The following KDM1B variants were observed in gnomAD, a reference collection of about 807,000 sequenced individuals.
KDM1B encodes the protein lysine demethylase 1B, also known as lysine-specific histone demethylase 2.
A neutral mutation model predicts 107.4 loss-of-function variants in KDM1B; 63 were observed. That is an observed-to-expected ratio of 0.59 (90% CI 0.48 to 0.72). The LOEUF (loss-of-function observed/expected upper bound fraction) is 0.72, where lower values mean the gene tolerates loss of function less well. Among genes scored for constraint, KDM1B ranks in the 30% least tolerant of loss-of-function variants. The pLI, the probability that KDM1B is intolerant of heterozygous loss-of-function variation, is 0.00. For synonymous variants in KDM1B, 363 were observed against 363.9 expected, an observed-to-expected ratio of 1.00 and a Z score of 0.03; for missense variants, 749 against 1,020.8, an observed-to-expected ratio of 0.73 and a Z score of 3.63.
intron 21 of KDM1B, among the ~76,000 whole-genome samples, chr6:18,221,514 T>C (rs138258716): frequency 1.3e-3 from 200 of 152,258 alleles, no homozygotes; most frequent in African/African-American, 4.6e-3. Context: ...ACTCTCTACC[T>C]ATTTTTTTAC....
rs776387450 is a variant in KDM1B, at chr6:18,162,276, C to T, written c.216-559C>T. On this transcript the variant is annotated intron_variant, in intron 4 of 21. Coordinates refer to ENST00000650836, the MANE Select transcript of KDM1B (RefSeq NM_001364614.2). This position sits in a 1 kb window ranked among gnomAD's most constrained non-coding sequence, Gnocchi z 4.1. ...GCAGAGGTTGCAATGAGCCTGAGAT[C>T]GTGCCACTGTACTCCAGCCTGAGTG... 2.0e-5 allele frequency among the ~76,000 whole-genome samples: 3 copies of T among 152,092 alleles called. No individual in the cohort carries two copies. Among genetic ancestry groups the T allele is most frequent in the Admixed American group, 2.0e-4 (3 of 15,274 alleles).
At chr6:18,215,589 G>A (rs187928736) in intron 20 of KDM1B, among the ~76,000 whole-genome samples, 26 of 152,274 alleles carry the variant, frequency 1.7e-4, no homozygotes, top group Admixed American at 1.2e-3. Flanking sequence ...GAGACCATGC[G>A]ACGAAATACA....
At chr6:18,218,340 C>G (rs1789408771) in intron 21 of KDM1B, among the ~76,000 whole-genome samples, 1 of 151,986 alleles carries the variant, frequency 6.6e-6, no homozygotes, top group Non-Finnish European at 1.5e-5. Context: ...CCAGGCTGGC[C>G]TCAAACCCGT....
At chr6:18,189,711 G>A (rs544996213) in intron 9 of KDM1B, among the ~76,000 whole-genome samples, 2 of 152,260 alleles carry the variant, frequency 1.3e-5, no homozygotes, top group East Asian at 3.9e-4. Flanking sequence ...TATCTATTAT[G>A]TGAATATTCT....
intron 15 of KDM1B, among the ~76,000 whole-genome samples, chr6:18,206,478 C>T (rs375110534): frequency 1.3e-5 from 2 of 152,186 alleles, no homozygotes; most frequent in African/African-American, 4.8e-5. Context: ...GATGGTGCTA[C>T]CACACTGCTG....
chr6:18,202,272 G>A (rs1195534920), intron 14 of KDM1B, among the ~76,000 whole-genome samples: 1 of 151,816 alleles, frequency 6.6e-6, no homozygotes, highest in Non-Finnish European at 1.5e-5. Flanking sequence ...GGTGGTGTGT[G>A]TCTGTAGTCC....
chr6:18,212,620 T>A lies in KDM1B; in HGVS notation c.1983+16T>A. The A allele has an allele frequency of 6.7e-7, 1 of 1,482,620 alleles. No individual in the cohort carries two copies. Among genetic ancestry groups the A allele is most frequent in the Non-Finnish European group, 9.4e-7 (1 of 1,059,986 alleles). The allele number at this position is 1,482,620 out of a possible 1,614,324, so 91.8% of individuals were successfully genotyped here. ...CATTGAAAAGGTGACTGAAATGACCTCATCCTCAGCAAGAAAGAGATTAAT... is the reference window on the plus strand; with the variant it reads ...CATTGAAAAGGTGACTGAAATGACCACATCCTCAGCAAGAAAGAGATTAAT... On this transcript the variant is annotated intron_variant, in intron 18 of 21. Transcript: ENST00000650836. The surrounding 1 kb of genome is among the most constrained non-coding windows in gnomAD (Gnocchi z 5.2).
Position 18,191,572 on chromosome 6 carries a change from G to A in KDM1B, c.969+191G>A, listed in dbSNP as rs781361789. On this transcript the variant is annotated intron_variant, in intron 10 of 21. Coordinates refer to ENST00000650836, the MANE Select transcript of KDM1B (RefSeq NM_001364614.2). This position sits in a 1 kb window ranked among gnomAD's most constrained non-coding sequence, Gnocchi z 5.1. The stretch of plus-strand genomic sequence containing the variant: ...TGTAGGATATTTAGCAAGATCCCTG[G>A]CTTCTACCCACTAGATTCCAGTAAT... Among the ~76,000 whole-genome samples, 26 of 152,104 alleles carry A rather than the reference G, an allele frequency of 1.7e-4. No homozygotes were observed. The highest frequency in any genetic ancestry group is 5.9e-4 in the Admixed American group (9 of 15,266).
chr6:18,173,846 C>T (rs1319043004), intron 7 of KDM1B, among the ~76,000 whole-genome samples: 1 of 152,018 alleles, frequency 6.6e-6, no homozygotes, highest in African/African-American at 2.4e-5. Context: ...AGTGCAGTGG[C>T]TCGATCTCGG....
chr6:18,212,375 A>C lies in KDM1B; in HGVS notation c.1867-113A>C. 2 of 763,364 alleles carry C rather than the reference A, an allele frequency of 2.6e-6. No homozygotes were observed. Among genetic ancestry groups the C allele is most frequent in the Non-Finnish European group, 2.4e-6 (1 of 423,310 alleles). 47.3% of individuals were successfully genotyped at this position (763,364 alleles called of 1,614,324 possible). A position where few individuals can be genotyped will look rare whatever the true frequency, so the allele number is the denominator to read the frequency against. ...TGCAGTGAGCAACCTGCACAGTTGCACATGGCAGCCCTTGTTCTTGCCAGT... is the reference window on the plus strand; with the variant it reads ...TGCAGTGAGCAACCTGCACAGTTGCCCATGGCAGCCCTTGTTCTTGCCAGT... On this transcript the variant is annotated intron_variant, in intron 17 of 21. Transcript: ENST00000650836. The surrounding 1 kb of genome is among the most constrained non-coding windows in gnomAD (Gnocchi z 5.2).
intron 10 of KDM1B, among the ~76,000 whole-genome samples, chr6:18,192,072 A>G (rs1460069402): frequency 2.0e-5 from 3 of 152,112 alleles, no homozygotes; most frequent in African/African-American, 7.2e-5. Context: ...CAGCCTGGGC[A>G]ACATAATGAG....
At chr6:18,156,774 G>A (rs141166343) in intron 2 of KDM1B, among the ~76,000 whole-genome samples, 9,986 of 152,054 alleles carry the variant, frequency 0.066, 415 homozygotes, top group Middle Eastern at 0.095. Context: ...AAAATTAGCC[G>A]GACGTGGTGG....
Position 18,159,749 on chromosome 6 carries a change from G to A in KDM1B, c.-13-134G>A. 1 of 606,970 alleles carries A rather than the reference G, an allele frequency of 1.6e-6. No homozygotes were observed. The highest frequency in any genetic ancestry group is 2.9e-6 in the Non-Finnish European group (1 of 350,796). The allele number at this position is 606,970 out of a possible 1,614,324, so 37.6% of individuals were successfully genotyped here. On this transcript the variant is annotated intron_variant, in intron 2 of 21. Coordinates refer to ENST00000650836, the MANE Select transcript of KDM1B (RefSeq NM_001364614.2). The surrounding 1 kb of genome is among the most constrained non-coding windows in gnomAD (Gnocchi z 4.5). The stretch of plus-strand genomic sequence containing the variant: ...ATGGCAAGAATGTCTCAAAAGAAAA[G>A]AAAGAAAACTGTAGCTTTGTATTTA...
chr6:18,213,090 T>C lies in KDM1B; in HGVS notation c.1983+486T>C, dbSNP rs1788968873. ...TGCTGGGCATCTTCAGACTAGCTTCTAGGTTGCCAGTGGGTTCCATTATCC... is the reference window on the plus strand; with the variant it reads ...TGCTGGGCATCTTCAGACTAGCTTCCAGGTTGCCAGTGGGTTCCATTATCC... On this transcript the variant is annotated intron_variant, in intron 18 of 21. Coordinates refer to ENST00000650836, the MANE Select transcript of KDM1B (RefSeq NM_001364614.2). The surrounding 1 kb of genome is among the most constrained non-coding windows in gnomAD (Gnocchi z 5.9). Among the ~76,000 whole-genome samples the C allele has an allele frequency of 3.3e-5, 5 of 152,258 alleles. No individual in the cohort carries two copies. The South Asian group carries it at 1.0e-3, about 32-fold the overall frequency.
rs116714441 is a variant in KDM1B at position 18,208,941 on chromosome 6, A to G, written c.1866+735A>G. On this transcript the variant is annotated intron_variant, in intron 17 of 21. Transcript: ENST00000650836. The stretch of plus-strand genomic sequence containing the variant: ...AGTGCTGGGGTAACAGGCGTGAGCC[A>G]CTGTGCTCCGCCCAAATAGAAGTAT... 5.0e-3 allele frequency among the ~76,000 whole-genome samples: 764 copies of G among 151,888 alleles called. 11 individuals are homozygous for G. Among genetic ancestry groups the G allele is most frequent in the African/African-American group, 0.017 (695 of 41,412 alleles).
rs773081511 is a variant in KDM1B, at chr6:18,159,860, A to G, written c.-13-23A>G. 10 of 1,247,184 alleles carry G rather than the reference A, an allele frequency of 8.0e-6. No homozygotes were observed. Among genetic ancestry groups the G allele is most frequent in the South Asian group, 1.2e-5 (1 of 80,976 alleles). 77.3% of individuals were successfully genotyped at this position (1,247,184 alleles called of 1,614,324 possible). A position where few individuals can be genotyped will look rare whatever the true frequency, so the allele number is the denominator to read the frequency against. On this transcript the variant is annotated intron_variant, in intron 2 of 21. Coordinates refer to ENST00000650836, the MANE Select transcript of KDM1B (RefSeq NM_001364614.2). The surrounding 1 kb of genome is among the most constrained non-coding windows in gnomAD (Gnocchi z 4.5). ...AAATATTTGCAGATGCTAATATTTA[A>G]TGGTCTGATTTTTCTTTTGCAGATT...
rs1017024294 is a variant in KDM1B at position 18,201,753 on chromosome 6, C to T, written c.1531+96C>T. On this transcript the variant is annotated intron_variant, in intron 14 of 21. Coordinates refer to ENST00000650836, the MANE Select transcript of KDM1B (RefSeq NM_001364614.2). This position sits in a 1 kb window ranked among gnomAD's most constrained non-coding sequence, Gnocchi z 4.3. ...ATTGTTCATTTGCGAGGTCGGATGT[C>T]GGCAACAGGGTAGCCCTCCTGAGCA... The T allele has an allele frequency of 4.5e-5, 47 of 1,041,884 alleles. No individual in the cohort carries two copies. Among genetic ancestry groups the T allele is most frequent in the Middle Eastern group, 4.4e-4 (2 of 4,498 alleles). 64.5% of individuals were successfully genotyped at this position (1,041,884 alleles called of 1,614,324 possible). A position where few individuals can be genotyped will look rare whatever the true frequency, so the allele number is the denominator to read the frequency against.
At chr6:18,183,257 G>C (rs1786602018) in intron 7 of KDM1B, among the ~76,000 whole-genome samples, 1 of 113,310 alleles carries the variant, frequency 8.8e-6, no homozygotes, top group Non-Finnish European at 1.8e-5. Context: ...GAATTTTGTG[G>C]GTTTTTTTTT....
chr6:18,158,159 T>C (rs1426559560), intron 2 of KDM1B, among the ~76,000 whole-genome samples: 1 of 151,980 alleles, frequency 6.6e-6, no homozygotes, highest in Non-Finnish European at 1.5e-5. Flanking sequence ...AACAGTATGA[T>C]AGATGTTGTA....
Sources: gnomAD v4.1 joint callset for allele counts (sites outside exome capture counted in the v4.1 genomes callset) on GRCh38, gnomAD v4.1.1 for gene constraint, Gnocchi (gnomAD v3.1) non-coding constraint, MANE v1.5 for transcripts, NCBI Gene and HGNC (gene_info 2026-07-23, HGNC 2026-07-21) for gene names.